NOG: variants seen among roughly 807,000 people sequenced by gnomAD.
NOG encodes symphalangism 1 (proximal).
A neutral mutation model predicts 17.9 loss-of-function variants in NOG; 2 were observed. The ratio of observed to expected loss-of-function variants is 0.11; its 90% CI spans 0.05 to 0.35. The LOEUF (loss-of-function observed/expected upper bound fraction) is 0.35. Among genes scored for constraint, NOG ranks in the 10% least tolerant of loss-of-function variants. NOG has a pLI of 1.00. For synonymous variants in NOG, 166 were observed against 148.7 expected, an observed-to-expected ratio of 1.12 and a Z score of -0.85; for missense variants, 266 against 318.6, an observed-to-expected ratio of 0.83 and a Z score of 1.26.
Position 56,593,912 on chromosome 17 carries a change from G to A in NOG, c.-312G>A. ...CCCTGCGCCGCCGCCGGCCCGGGAA[G>A]GCAGCGAGGAGCCGGCGCCTCCCGC... On this transcript the variant is annotated 5_prime_UTR_variant, in exon 1 of 1. Transcript: ENST00000332822. The A allele has an allele frequency of 2.9e-6, 1 of 342,018 alleles. No homozygotes were observed. 21.2% of individuals were successfully genotyped at this position (342,018 alleles called of 1,614,324 possible).
Position 56,594,606 on chromosome 17 carries a change from G to C in NOG, c.383G>C (p.Gly128Ala), listed in dbSNP as rs1039686376. 6.2e-7 allele frequency: 1 copy of C among 1,612,412 alleles called. No individual in the cohort carries two copies. Residue 128 changes from glycine (G) to alanine (A), a missense_variant, in exon 1 of 1, where the codon GGC becomes GCC. Coordinates refer to ENST00000332822, the MANE Select transcript of NOG (RefSeq NM_005450.6). ...SEIKGLEFSE[G>A]LAQGKKQRLS... ...ATCAAAGGGCTAGAGTTCTCCGAGGGCTTGGCCCAGGGCAAGAAGCAGCGC... is the reference window on the plus strand; with the variant it reads ...ATCAAAGGGCTAGAGTTCTCCGAGGCCTTGGCCCAGGGCAAGAAGCAGCGC...
Position 56,594,100 on chromosome 17 carries a change from C to T in NOG, c.-124C>T. ...CCGGCGGCTCATGCTGCCGGCCCTGCGCCTGCCCAGCCTCGGGTGAGCCGC... is the reference window on the plus strand; with the variant it reads ...CCGGCGGCTCATGCTGCCGGCCCTGTGCCTGCCCAGCCTCGGGTGAGCCGC... On this transcript the variant is annotated 5_prime_UTR_variant, in exon 1 of 1. Transcript: ENST00000332822. The T allele has an allele frequency of 7.9e-6, 6 of 761,728 alleles. No homozygotes were observed. The highest frequency in any genetic ancestry group is 3.9e-5 in the Admixed American group (1 of 25,752). The allele number at this position is 761,728 out of a possible 1,614,324, so 47.2% of individuals were successfully genotyped here. A position where few individuals can be genotyped will look rare whatever the true frequency, so the allele number is the denominator to read the frequency against.
At position 56,594,169 on chromosome 17, in the gene NOG, T is replaced by C. The variant is rs1039132584; in HGVS notation, c.-55T>C. 1.4e-5 allele frequency: 21 copies of C among 1,467,590 alleles called. No individual in the cohort carries two copies. The Admixed American group carries it at 1.8e-4, about 13-fold the overall frequency. 90.9% of individuals were successfully genotyped at this position (1,467,590 alleles called of 1,614,324 possible). On this transcript the variant is annotated 5_prime_UTR_variant, in exon 1 of 1. Coordinates refer to ENST00000332822, the MANE Select transcript of NOG (RefSeq NM_005450.6). ...GCGCGGCGGCGCCGCGGGCTCGGCG[T>C]GCTCTCCTCCGGGGACGCGGGACGA...
At position 56,593,764 on chromosome 17, in the gene NOG, G is replaced by T; in HGVS notation, c.-460G>T. 1 of 181,688 alleles carries T rather than the reference G, an allele frequency of 5.5e-6. No individual in the cohort carries two copies. The highest frequency in any genetic ancestry group is 1.3e-4 in the South Asian group (1 of 7,930). 11.3% of individuals were successfully genotyped at this position (181,688 alleles called of 1,614,324 possible). A position where few individuals can be genotyped will look rare whatever the true frequency, so the allele number is the denominator to read the frequency against. ...CCGCTGGAGTCCGCCGGGCAGAGCC[G>T]GCCGCGGAGCCCGGAGCAGGCGGAG... On this transcript the variant is annotated 5_prime_UTR_variant, in exon 1 of 1. Coordinates refer to ENST00000332822, the MANE Select transcript of NOG (RefSeq NM_005450.6).
rs1277783706 is a variant in NOG at position 56,593,866 on chromosome 17, GGA to G, written c.-354_-353del. On this transcript the variant is annotated 5_prime_UTR_variant, in exon 1 of 1. Transcript: ENST00000332822. The stretch of plus-strand genomic sequence containing the variant: ...GACGAAGAGCAGCGAGAGGAGGAGG[GGA>G]GAGCGGCTCGTCCACGCGCCCTGCG... The G allele has an allele frequency of 3.7e-6, 1 of 270,290 alleles. No individual in the cohort carries two copies. Among genetic ancestry groups the G allele is most frequent in the African/African-American group, 2.3e-5 (1 of 43,980 alleles). The allele number at this position is 270,290 out of a possible 1,614,324, so 16.7% of individuals were successfully genotyped here.
At position 56,595,015 on chromosome 17, in the gene NOG, G is replaced by C. The variant is rs1283050490; in HGVS notation, c.*93G>C. The C allele has an allele frequency of 1.3e-6, 1 of 758,868 alleles. No individual in the cohort carries two copies. Among genetic ancestry groups the C allele is most frequent in the Non-Finnish European group, 2.1e-6 (1 of 469,658 alleles). 47.0% of individuals were successfully genotyped at this position (758,868 alleles called of 1,614,324 possible). ...CCAACCAGTTCCACCACCCTCTAGC[G>C]AGGGTTTTCAATGAACTTTTTTTTT... On this transcript the variant is annotated 3_prime_UTR_variant, in exon 1 of 1. Coordinates refer to ENST00000332822, the MANE Select transcript of NOG (RefSeq NM_005450.6).
At position 56,595,306 on chromosome 17, in the gene NOG, T is replaced by G; in HGVS notation, c.*384T>G. 1 of 174,174 alleles carries G rather than the reference T, an allele frequency of 5.7e-6. No homozygotes were observed. The highest frequency in any genetic ancestry group is 6.5e-5 in the Admixed American group (1 of 15,484). 10.8% of individuals were successfully genotyped at this position (174,174 alleles called of 1,614,324 possible). ...TGTTAACCTGCTATTTATATTCCAG[T>G]GCCCTTCGCATGGCGAAGCAGGGGG... is the stretch of plus-strand genomic sequence containing the variant. On this transcript the variant is annotated 3_prime_UTR_variant, in exon 1 of 1. Transcript: ENST00000332822.
Position 56,594,471 on chromosome 17 carries a change from C to A in NOG, c.248C>A (p.Pro83His), listed in dbSNP as rs762937185. The stretch of plus-strand genomic sequence containing the variant: ...GACCCAGGCTTCATGGCCACCTCGC[C>A]CCCCGAGGACCGGCCCGGCGGGGGC... ...HYDPGFMATS[P>H]PEDRPGGGGG... Residue 83 changes from proline (P) to histidine (H), a missense_variant, in exon 1 of 1, where the codon CCC (proline) becomes CAC (histidine). Coordinates refer to ENST00000332822, the MANE Select transcript of NOG (RefSeq NM_005450.6). 8 of 1,611,752 alleles carry A rather than the reference C, an allele frequency of 5.0e-6. No homozygotes were observed. The highest frequency in any genetic ancestry group is 6.8e-6 in the Non-Finnish European group (8 of 1,179,244).
Position 56,595,030 on chromosome 17 carries a change from ACTTT to A in NOG, c.*109_*112del, listed in dbSNP as rs2052474217. ...ACCCTCTAGCGAGGGTTTTCAATGA[ACTTT>A]TTTTTTTTTTTTTTTTTTTTTTTCT... On this transcript the variant is annotated 3_prime_UTR_variant, in exon 1 of 1. Transcript: ENST00000332822. 1 of 473,398 alleles carries A rather than the reference ACTTT, an allele frequency of 2.1e-6. No homozygotes were observed. Among genetic ancestry groups the A allele is most frequent in the Non-Finnish European group, 3.4e-6 (1 of 293,656 alleles). The allele number at this position is 473,398 out of a possible 1,614,324, so 29.3% of individuals were successfully genotyped here. A position where few individuals can be genotyped will look rare whatever the true frequency, so the allele number is the denominator to read the frequency against.
In NOG at chr17:56,593,811, T is replaced by C. The variant is rs899159195; in HGVS notation, c.-413T>C. On this transcript the variant is annotated 5_prime_UTR_variant, in exon 1 of 1. Coordinates refer to ENST00000332822, the MANE Select transcript of NOG (RefSeq NM_005450.6). ...GGAGGGAAGTGCCCCTAGAACCAGC[T>C]CAGCCAGCGGCGCTTGCACAGAGCG... 29 of 200,130 alleles carry C rather than the reference T, an allele frequency of 1.4e-4. No individual in the cohort carries two copies. Among genetic ancestry groups the C allele is most frequent in the Non-Finnish European group, 2.7e-4 (27 of 100,514 alleles). The allele number at this position is 200,130 out of a possible 1,614,324, so 12.4% of individuals were successfully genotyped here. A position where few individuals can be genotyped will look rare whatever the true frequency, so the allele number is the denominator to read the frequency against.
chr17:56,593,743 T>C lies in NOG; in HGVS notation c.-481T>C, dbSNP rs926848482. On this transcript the variant is annotated 5_prime_UTR_variant, in exon 1 of 1. Transcript: ENST00000332822. ...CGGACGCCGCCGCCGCCGCCGCCGC[T>C]GGAGTCCGCCGGGCAGAGCCGGCCG... 5.6e-5 allele frequency: 10 copies of C among 179,566 alleles called. No individual in the cohort carries two copies. Among genetic ancestry groups the C allele is most frequent in the East Asian group, 1.8e-4 (1 of 5,582 alleles). 11.1% of individuals were successfully genotyped at this position (179,566 alleles called of 1,614,324 possible).
Position 56,594,475 on chromosome 17 carries a change from C to T in NOG, c.252C>T (p.Pro84=). ...YDPGFMATSP[P]EDRPGGGGGA... ...CAGGCTTCATGGCCACCTCGCCCCCCGAGGACCGGCCCGGCGGGGGCGGGG... is the reference window on the plus strand; with the variant it reads ...CAGGCTTCATGGCCACCTCGCCCCCTGAGGACCGGCCCGGCGGGGGCGGGG... The change falls in exon 1 of 1, where the codon CCC becomes CCT. Residue 84 remains proline, a synonymous_variant. Transcript: ENST00000332822. The T allele has an allele frequency of 1.2e-6, 2 of 1,611,786 alleles. No individual in the cohort carries two copies. The highest frequency in any genetic ancestry group is 1.7e-6 in the Non-Finnish European group (2 of 1,179,226).
chr17:56,595,587 G>C lies in NOG; in HGVS notation c.*665G>C, dbSNP rs529295636. ...TAAATGAGAAAGAAGTGCAGAGCAG[G>C]ATTAAAGAAAACCACTAAAACCGAC... On this transcript the variant is annotated 3_prime_UTR_variant, in exon 1 of 1. Coordinates refer to ENST00000332822, the MANE Select transcript of NOG (RefSeq NM_005450.6). 1 of 154,798 alleles carries C rather than the reference G, an allele frequency of 6.5e-6. No homozygotes were observed. Among genetic ancestry groups the C allele is most frequent in the Non-Finnish European group, 1.5e-5 (1 of 65,592 alleles). 9.6% of individuals were successfully genotyped at this position (154,798 alleles called of 1,614,324 possible).
Position 56,594,890 on chromosome 17 carries a change from C to T in NOG, c.667C>T (p.Pro223Ser). Residue 223 changes from proline (P) to serine (S), a missense_variant, in exon 1 of 1, where the codon CCC becomes TCC. Coordinates refer to ENST00000332822, the MANE Select transcript of NOG (RefSeq NM_005450.6). ...QRCGWIPIQY[P>S]IISECKCSC ...CTGCGGCTGGATTCCCATCCAGTACCCCATCATTTCCGAGTGCAAGTGCTC... is the reference window on the plus strand; with the variant it reads ...CTGCGGCTGGATTCCCATCCAGTACTCCATCATTTCCGAGTGCAAGTGCTC... 1 of 1,595,612 alleles carries T rather than the reference C, an allele frequency of 6.3e-7. No individual in the cohort carries two copies.
chr17:56,594,179 C>T lies in NOG; in HGVS notation c.-45C>T. On this transcript the variant is annotated 5_prime_UTR_variant, in exon 1 of 1. Transcript: ENST00000332822. ...GCCGCGGGCTCGGCGTGCTCTCCTCCGGGGACGCGGGACGAAGCAGCAGCC... is the reference window on the plus strand; with the variant it reads ...GCCGCGGGCTCGGCGTGCTCTCCTCTGGGGACGCGGGACGAAGCAGCAGCC... 1 of 1,506,500 alleles carries T rather than the reference C, an allele frequency of 6.6e-7. No homozygotes were observed. The highest frequency in any genetic ancestry group is 8.9e-7 in the Non-Finnish European group (1 of 1,118,702). 93.3% of individuals were successfully genotyped at this position (1,506,500 alleles called of 1,614,324 possible). A position where few individuals can be genotyped will look rare whatever the true frequency, so the allele number is the denominator to read the frequency against.
Position 56,593,835 on chromosome 17 carries a change from C to A in NOG, c.-389C>A. 1 of 224,164 alleles carries A rather than the reference C, an allele frequency of 4.5e-6. No homozygotes were observed. Among genetic ancestry groups the A allele is most frequent in the Non-Finnish European group, 8.6e-6 (1 of 115,890 alleles). The allele number at this position is 224,164 out of a possible 1,614,324, so 13.9% of individuals were successfully genotyped here. On this transcript the variant is annotated 5_prime_UTR_variant, in exon 1 of 1. Coordinates refer to ENST00000332822, the MANE Select transcript of NOG (RefSeq NM_005450.6). ...CTCAGCCAGCGGCGCTTGCACAGAG[C>A]GGCCGGACGAAGAGCAGCGAGAGGA...
At position 56,594,271 on chromosome 17, in the gene NOG, G is replaced by T. The variant is rs757125599; in HGVS notation, c.48G>T (p.Val16=). 6.2e-7 allele frequency: 1 copy of T among 1,610,882 alleles called. No homozygotes were observed. The highest frequency in any genetic ancestry group is 8.5e-7 in the Non-Finnish European group (1 of 1,178,974). Residue 16 remains valine, a synonymous_variant, in exon 1 of 1, where the codon GTG becomes GTT. Transcript: ENST00000332822. ...GGGTCACCCTCTACGCCCTGGTGGT[G>T]GTCCTGGGGCTGCGGGCGACACCGG... ...SLGVTLYALV[V]VLGLRATPAG...
chr17:56,594,932 G>C lies in NOG; in HGVS notation c.*10G>C, dbSNP rs1234203443. 58 of 1,554,274 alleles carry C rather than the reference G, an allele frequency of 3.7e-5. No homozygotes were observed. Among genetic ancestry groups the C allele is most frequent in the Non-Finnish European group, 5.1e-5 (58 of 1,147,550 alleles). On this transcript the variant is annotated 3_prime_UTR_variant, in exon 1 of 1. Transcript: ENST00000332822. ...CAAGTGCTCGTGCTAGAACTCGGGG[G>C]CCCCCTGCCCGCACCCGGACACTTG...
rs2052461501 is a variant in NOG, at chr17:56,593,938, G to T, written c.-286G>T. 2.6e-6 allele frequency: 1 copy of T among 378,658 alleles called. No individual in the cohort carries two copies. Among genetic ancestry groups the T allele is most frequent in the Admixed American group, 4.9e-5 (1 of 20,432 alleles). 23.5% of individuals were successfully genotyped at this position (378,658 alleles called of 1,614,324 possible). ...GCAGCGAGGAGCCGGCGCCTCCCGC[G>T]CCCCGCGGTCGCCCTGGAGTAATTT... On this transcript the variant is annotated 5_prime_UTR_variant, in exon 1 of 1. Coordinates refer to ENST00000332822, the MANE Select transcript of NOG (RefSeq NM_005450.6).
Sources: allele counts gnomAD v4.1 joint callset, GRCh38; gene constraint gnomAD v4.1.1; transcripts MANE v1.5; gene names NCBI Gene and HGNC (gene_info 2026-07-23, HGNC 2026-07-21).